PREX1: variants seen among roughly 807,000 people sequenced by gnomAD.
PREX1 encodes phosphatidylinositol-3,4,5-trisphosphate dependent Rac exchange factor 1, also known as phosphatidylinositol 3,4,5-trisphosphate-dependent Rac exchanger 1 protein.
A neutral mutation model predicts 198.3 loss-of-function variants in PREX1; 41 were observed. The observed-to-expected ratio is 0.21, with a 90% CI of 0.16 to 0.27. The LOEUF is 0.27. Among genes scored for constraint, PREX1 ranks in the 10% least tolerant of loss-of-function variants. The probability of loss-of-function intolerance (pLI) is 1.00; values close to 1 mark genes in which losing one functional copy is unlikely to be tolerated. For synonymous variants in PREX1, 843 were observed against 887.2 expected (o/e 0.95, Z 0.89); for missense variants, 1,620 against 2,200.7 (o/e 0.74, Z 5.28).
intron 10 of PREX1, among the ~76,000 whole-genome samples, chr20:48,686,193 A>G (rs1168755071): frequency 6.6e-6 from 1 of 152,034 alleles, no homozygotes; most frequent in Admixed American, 6.5e-5. Flanking sequence ...CATGCAGCAA[A>G]GGGCTTGATC....
chr20:48,746,275 A>G (rs140707138), intron 2 of PREX1, among the ~76,000 whole-genome samples: 1,851 of 152,334 alleles, frequency 0.012, 16 homozygotes, highest in Non-Finnish European at 0.02. Context: ...TGCCTGCCTC[A>G]GCCTCCCAAA....
intron 1 of PREX1, among the ~76,000 whole-genome samples, chr20:48,814,392 C>T (rs4810880): frequency 0.38 from 57,598 of 151,918 alleles, 11,158 homozygotes; most frequent in Admixed American, 0.41. Flanking sequence ...AGTGCAGTGG[C>T]GTAGAGAAAG....
chr20:48,700,952 C>G (rs1456006271), intron 6 of PREX1, 66 bp from the exon 7 acceptor site: 1 of 1,604,574 alleles, frequency 6.2e-7, no homozygotes, highest in Non-Finnish European at 8.5e-7. Flanking sequence ...TTCCCAGAGA[C>G]AGAACCTACT....
chr20:48,878,347 TC>T, the PREX1 span, among the ~76,000 whole-genome samples: 1 of 151,978 alleles, frequency 6.6e-6, no homozygotes, highest in Non-Finnish European at 1.5e-5. Flanking sequence ...TTCCCCTTTT[TC>T]TTTTTTTTTG....
chr20:48,644,269 G>A, intron 27 of PREX1, 140 bp downstream of exon 27: 1 of 706,956 alleles, frequency 1.4e-6, no homozygotes, highest in South Asian at 2.0e-5. Flanking sequence ...ATGACTGAAT[G>A]GAAGGAAATC....
intron 5 of PREX1, among the ~76,000 whole-genome samples, chr20:48,718,280 C>T (rs1422783516): frequency 2.0e-5 from 3 of 152,104 alleles, no homozygotes; most frequent in African/African-American, 4.8e-5. Context: ...TCTGCACAGG[C>T]ATTTCTCTAG....
At chr20:48,844,063 C>A in the PREX1 span, among the ~76,000 whole-genome samples, 1 of 152,042 alleles carries the variant, frequency 6.6e-6, no homozygotes, top group Non-Finnish European at 1.5e-5. Context: ...TCACTTGAGT[C>A]TGGGAGGTCG....
chr20:48,819,132 C>A (rs2090471948), intron 1 of PREX1, among the ~76,000 whole-genome samples: 1 of 152,212 alleles, frequency 6.6e-6, no homozygotes, highest in Non-Finnish European at 1.5e-5. Flanking sequence ...ACGTCACCAA[C>A]TGACCCATGC....
At chr20:48,880,981 T>TAAAAAAAAAAAAAAAAAA in the PREX1 span, among the ~76,000 whole-genome samples, 19 of 20,996 alleles carry the variant, frequency 9.0e-4, 4 homozygotes, top group South Asian at 5.6e-3. Flanking sequence ...AAACCATTGC[T>TAAAAAAAAAAAAAAAAAA]AAAAAAAAAA....
chr20:48,649,630 G>A, intron 24 of PREX1, 54 bp from the exon 25 acceptor site: 3 of 1,520,166 alleles, frequency 2.0e-6, no homozygotes, highest in Non-Finnish European at 2.7e-6. Context: ...CATCCACTGG[G>A]CCTTTGGGCG....
chr20:48,648,641 C>T (rs988601297), intron 25 of PREX1, among the ~76,000 whole-genome samples: 2 of 152,184 alleles, frequency 1.3e-5, no homozygotes, highest in East Asian at 3.8e-4. Flanking sequence ...CATGGACGTG[C>T]TAGAAACCTG....
the PREX1 span, among the ~76,000 whole-genome samples, chr20:48,869,252 G>A: frequency 1.3e-5 from 2 of 151,736 alleles, no homozygotes; most frequent in African/African-American, 2.4e-5. Context: ...TCCACCATAC[G>A]GATGATCTAT....
At chr20:48,674,028 C>T (rs150805486) in intron 14 of PREX1, among the ~76,000 whole-genome samples, 4 of 152,320 alleles carry the variant, frequency 2.6e-5, no homozygotes, top group Admixed American at 2.0e-4. Context: ...CTTGAACCCA[C>T]GTCTGTCTGG....
intron 2 of PREX1, among the ~76,000 whole-genome samples, chr20:48,747,597 C>G (rs756918361): frequency 6.6e-5 from 10 of 152,228 alleles, no homozygotes; most frequent in Non-Finnish European, 1.3e-4. Context: ...GCTAAAAATT[C>G]CTGCTGACAT....
chr20:48,702,636 T>G (rs904945761), intron 6 of PREX1, among the ~76,000 whole-genome samples: 2 of 152,194 alleles, frequency 1.3e-5, no homozygotes, highest in African/African-American at 4.8e-5. Flanking sequence ...CTGCAGCGGG[T>G]GGTGGGATAC....
At chr20:48,777,807 C>G (rs2090269729) in intron 1 of PREX1, among the ~76,000 whole-genome samples, 1 of 152,116 alleles carries the variant, frequency 6.6e-6, no homozygotes, top group Non-Finnish European at 1.5e-5. Flanking sequence ...AAGAACAATG[C>G]CAAAAACACA....
chr20:48,624,513 G>A lies in PREX1; in HGVS notation c.*1372C>T, dbSNP rs2089254721. The A allele has an allele frequency of 6.6e-6, 1 of 152,454 alleles. No individual in the cohort carries two copies. Among genetic ancestry groups the A allele is most frequent in the South Asian group, 2.1e-4 (1 of 4,838 alleles). 9.4% of individuals were successfully genotyped at this position (152,454 alleles called of 1,614,324 possible). ...GGGAGGCTCGGATGCCAGATGCCGG[G>A]AGGGCTTCAAGCTCCCAGGCCTGGG... On this transcript the variant is annotated 3_prime_UTR_variant, in exon 40 of 40. Coordinates refer to ENST00000371941, the MANE Select transcript of PREX1 (RefSeq NM_020820.4).
chr20:48,752,572 G>C (rs746730038), intron 1 of PREX1, among the ~76,000 whole-genome samples: 2 of 152,158 alleles, frequency 1.3e-5, no homozygotes, highest in Non-Finnish European at 2.9e-5. Context: ...TGGCCAGCAG[G>C]ACCTGGCATG....
chr20:48,746,176 A>G (rs1390897986), intron 2 of PREX1, among the ~76,000 whole-genome samples: 1 of 152,074 alleles, frequency 6.6e-6, no homozygotes, highest in Non-Finnish European at 1.5e-5. Flanking sequence ...GCATGCCGCC[A>G]TGCCTGGCTA....
Sources: gnomAD v4.1 joint callset for allele counts (sites outside exome capture counted in the v4.1 genomes callset) on GRCh38, gnomAD v4.1.1 for gene constraint, MANE v1.5 for transcripts, NCBI Gene and HGNC (gene_info 2026-07-23, HGNC 2026-07-21) for gene names.